Variants in MBNL1 observed in about 807,000 individuals in gnomAD.
MBNL1 encodes muscleblind-like protein 1.
Under a neutral mutation model 42.2 loss-of-function variants are expected in MBNL1, and 8 were observed. The observed-to-expected ratio is 0.19, with a 90% CI of 0.11 to 0.34. The LOEUF is 0.34. MBNL1 is among the 10% of genes least tolerant of loss of function. The probability of loss-of-function intolerance (pLI) is 1.00; values close to 1 mark genes in which losing one functional copy is unlikely to be tolerated. For synonymous variants in MBNL1, 169 were observed against 173.9 expected, an observed-to-expected ratio of 0.97 and a Z score of 0.22; for missense variants, 309 against 495.3, an observed-to-expected ratio of 0.62 and a Z score of 3.57.
chr3:152,248,087 C>A (rs569314872), intron 2 of MBNL1, among the ~76,000 whole-genome samples: 5 of 151,800 alleles, frequency 3.3e-5, no homozygotes, highest in Non-Finnish European at 7.4e-5. Flanking sequence ...TGAGAAAAAT[C>A]ACCACAGTTT....
At chr3:152,384,183 T>C (rs1273008752) in intron 2 of MBNL1, among the ~76,000 whole-genome samples, 1 of 152,148 alleles carries the variant, frequency 6.6e-6, no homozygotes. Context: ...GGAAGGGTGA[T>C]CCATGGAGGC....
At chr3:152,328,646 A>G (rs1454436192) in intron 2 of MBNL1, among the ~76,000 whole-genome samples, 1 of 152,174 alleles carries the variant, frequency 6.6e-6, no homozygotes, top group Non-Finnish European at 1.5e-5. Flanking sequence ...ATTACGGAGA[A>G]GTACTAGGAA....
chr3:152,338,145 G>A (rs1048325935), intron 2 of MBNL1: 9 of 985,042 alleles, frequency 9.1e-6, no homozygotes, highest in Admixed American at 6.1e-5. Context: ...CACTTCATCC[G>A]TGTTTTTGGC....
At chr3:152,253,498 C>A (rs1321249378) in intron 2 of MBNL1, among the ~76,000 whole-genome samples, 1 of 152,116 alleles carries the variant, frequency 6.6e-6, no homozygotes, top group Non-Finnish European at 1.5e-5. Context: ...CCAATATGAT[C>A]ATTTAAAATA....
At chr3:152,390,820 C>T (rs1013618218) in intron 2 of MBNL1, among the ~76,000 whole-genome samples, 7 of 152,114 alleles carry the variant, frequency 4.6e-5, no homozygotes, top group Non-Finnish European at 8.8e-5. Context: ...GCAAGAATGC[C>T]CTTGCCCTAA....
At chr3:152,412,878 TG>T (rs1441405418) in intron 2 of MBNL1, among the ~76,000 whole-genome samples, 6 of 152,204 alleles carry the variant, frequency 3.9e-5, no homozygotes, top group Non-Finnish European at 8.8e-5. Flanking sequence ...TGAATTCTCG[TG>T]GTGACCATAA....
At chr3:152,406,281 A>G (rs2098424269) in intron 2 of MBNL1, among the ~76,000 whole-genome samples, 1 of 152,086 alleles carries the variant, frequency 6.6e-6, no homozygotes, top group South Asian at 2.1e-4. Flanking sequence ...AAAAAGTGAG[A>G]CTTTCTTTTT....
At chr3:152,397,268 TACATAGATGTAC>T (rs1199299545) in intron 2 of MBNL1, among the ~76,000 whole-genome samples, 1 of 152,162 alleles carries the variant, frequency 6.6e-6, no homozygotes, top group Non-Finnish European at 1.5e-5. Flanking sequence ...GCAGGTTTGT[TACATAGATGTAC>T]ACATGCCATG....
At chr3:152,313,447 C>A (rs750234971) in intron 2 of MBNL1, among the ~76,000 whole-genome samples, 3 of 152,060 alleles carry the variant, frequency 2.0e-5, no homozygotes, top group Non-Finnish European at 4.4e-5. Context: ...CTTTACTGTC[C>A]CAAGCTGGTT....
At chr3:152,312,476 A>G (rs371239811) in intron 2 of MBNL1, among the ~76,000 whole-genome samples, 2 of 152,234 alleles carry the variant, frequency 1.3e-5, no homozygotes, top group African/African-American at 2.4e-5. Flanking sequence ...TGTGGATTCA[A>G]TGAGATCAGT....
At chr3:152,314,927 C>T (rs939994685) in intron 2 of MBNL1, among the ~76,000 whole-genome samples, 10 of 152,132 alleles carry the variant, frequency 6.6e-5, no homozygotes, top group African/African-American at 2.4e-4. Context: ...TATGTGTTTA[C>T]AGTTTGATTT....
intron 3 of MBNL1, among the ~76,000 whole-genome samples, chr3:152,427,217 C>T (rs2098944520): frequency 6.6e-6 from 1 of 152,094 alleles, no homozygotes; most frequent in Admixed American, 6.5e-5. Context: ...CTGGTTGATA[C>T]CTTTCTACTA....
At chr3:152,304,472 G>A (rs2062032050) in intron 2 of MBNL1, among the ~76,000 whole-genome samples, 1 of 152,134 alleles carries the variant, frequency 6.6e-6, no homozygotes, top group Admixed American at 6.5e-5. Flanking sequence ...TGATCTATTA[G>A]GGTCCTAACT....
intron 3 of MBNL1, among the ~76,000 whole-genome samples, chr3:152,426,369 C>CA (rs985299414): frequency 7.9e-5 from 12 of 152,076 alleles, no homozygotes; most frequent in South Asian, 2.1e-4. Context: ...CAAAAATAAT[C>CA]AAAAAAATAA....
chr3:152,286,251 A>G (rs1261118271), intron 1 of MBNL1, among the ~76,000 whole-genome samples: 1 of 147,826 alleles, frequency 6.8e-6, no homozygotes, highest in African/African-American at 2.5e-5. Context: ...GCACACACAT[A>G]CACACATTAA....
intron 2 of MBNL1, among the ~76,000 whole-genome samples, chr3:152,332,358 T>C (rs755402344): frequency 6.6e-6 from 1 of 152,214 alleles, no homozygotes; most frequent in Admixed American, 6.5e-5. Flanking sequence ...GAAACAAATT[T>C]AAATCTGTTG....
intron 3 of MBNL1, among the ~76,000 whole-genome samples, chr3:152,427,239 G>A (rs2098944775): frequency 6.6e-6 from 1 of 152,200 alleles, no homozygotes; most frequent in South Asian, 2.1e-4. Flanking sequence ...GAAGTCCAGA[G>A]TGTTCTTTAT....
intron 2 of MBNL1, among the ~76,000 whole-genome samples, chr3:152,348,244 A>G (rs1248333739): frequency 2.6e-5 from 4 of 152,158 alleles, no homozygotes; most frequent in African/African-American, 7.2e-5. Flanking sequence ...TAGAGAATAT[A>G]GAAGTTGCTA....
intron 2 of MBNL1, among the ~76,000 whole-genome samples, chr3:152,378,250 C>T (rs983772892): frequency 1.3e-5 from 2 of 152,106 alleles, no homozygotes; most frequent in Admixed American, 1.3e-4. Context: ...GGGAGGATCA[C>T]TTGAGCCTAG....
Sources: gnomAD v4.1 joint callset for allele counts (sites outside exome capture counted in the v4.1 genomes callset) on GRCh38, gnomAD v4.1.1 for gene constraint, MANE v1.5 for transcripts, NCBI Gene and HGNC (gene_info 2026-07-23, HGNC 2026-07-21) for gene names.